Variants in PRH1 observed in about 807,000 individuals in gnomAD.
The protein encoded by PRH1 is proline rich protein HaeIII subfamily 1, also known as salivary acidic proline-rich phosphoprotein 1/2.
PRH1 carries 7 observed loss-of-function variants against 7.9 expected under a neutral mutation model. The observed-to-expected ratio is 0.89, with a 90% confidence interval of 0.50 to 1.67. The LOEUF (loss-of-function observed/expected upper bound fraction) is 1.67, where lower values mean the gene tolerates loss of function less well. Among genes scored for constraint, PRH1 ranks in the 40% most tolerant of loss-of-function variants. The pLI, the probability that PRH1 is intolerant of heterozygous loss-of-function variation, is 0.00. For synonymous variants in PRH1, 45 were observed against 80.8 expected (o/e 0.56, Z 2.38); for missense variants, 109 against 223.6 (o/e 0.49, Z 3.27).
chr12:10,933,878 A>G (rs921603109), intron 2 of PRH1, among the ~76,000 whole-genome samples: 1 of 152,160 alleles, frequency 6.6e-6, no homozygotes, highest in Non-Finnish European at 1.5e-5. Context: ...TAACAGAGAT[A>G]CATATATTCA....
At chr12:11,120,889 G>A (rs1466364492) in exon 2 of PRH1, 1 of 153,332 alleles carries the variant, frequency 6.5e-6, no homozygotes, top group Non-Finnish European at 1.5e-5. Context: ...ATGGAATGGA[G>A]GGGAATATTG....
intron 2 of PRH1, among the ~76,000 whole-genome samples, chr12:10,920,830 G>C (rs1318199340): frequency 2.0e-5 from 3 of 151,972 alleles, no homozygotes; most frequent in African/African-American, 7.2e-5. Flanking sequence ...AAAGCTCTAT[G>C]TTACACTAAT....
chr12:10,986,055 T>A, intron 1 of PRH1: 1 of 1,614,064 alleles, frequency 6.2e-7, no homozygotes, highest in Non-Finnish European at 8.5e-7. Context: ...AAGATATATG[T>A]TTCCAACAGC....
rs547065057 is a variant in PRH1 at position 11,168,972 on chromosome 12, A to G, written n.39+2450T>C. ...AGGGTTGAGTACTGATCAGTGTCCA[A>G]AAGGAAACGTACTTTTTTTCTAGTT... On this transcript the variant is annotated intron_variant and non_coding_transcript_variant, in intron 1 of 1. Transcript: ENST00000541175. 2.6e-5 allele frequency among the ~76,000 whole-genome samples: 4 copies of G among 152,374 alleles called. No homozygotes were observed. In the South Asian group the frequency reaches 8.3e-4, roughly 32 times the overall value.
chr12:11,080,559 T>C (rs1944466042), intron 1 of PRH1, among the ~76,000 whole-genome samples: 1 of 115,426 alleles, frequency 8.7e-6, no homozygotes, highest in Non-Finnish European at 2.1e-5. Flanking sequence ...AAACATAGTT[T>C]GACTAAATTT....
chr12:11,102,335 C>G (rs1945281395), intron 1 of PRH1, among the ~76,000 whole-genome samples: 3 of 152,112 alleles, frequency 2.0e-5, no homozygotes, highest in Admixed American at 6.5e-5. Context: ...GTGCTGGTAC[C>G]AAAACAGAGA....
At chr12:11,058,306 TA>T (rs1180130177) in intron 1 of PRH1, among the ~76,000 whole-genome samples, 2 of 152,130 alleles carry the variant, frequency 1.3e-5, no homozygotes, top group African/African-American at 4.8e-5. Flanking sequence ...TAAAATACTA[TA>T]ACATTGAATG....
At position 11,090,465 on chromosome 12, in the gene PRH1, C is replaced by T. The variant is rs1476205553; in HGVS notation, n.124-43277G>A. On this transcript the variant is annotated intron_variant and non_coding_transcript_variant, in intron 1 of 4. Coordinates refer to the PRH1 transcript ENST00000541977. ...TTACATGAGATCTCAACTTCAAAAA[C>T]AGATTTTCTTTAATTCAAAAGCGGA... is the stretch of plus-strand genomic sequence containing the variant. Among the ~76,000 whole-genome samples the T allele has an allele frequency of 2.6e-5, 3 of 116,384 alleles. 1 individual carries two copies. Among genetic ancestry groups the T allele is most frequent in the African/African-American group, 8.6e-5 (3 of 34,848 alleles). 76.4% of individuals were successfully genotyped at this position (116,384 alleles called of 152,430 possible).
intron 1 of PRH1, among the ~76,000 whole-genome samples, chr12:11,115,678 T>G (rs1945711938): frequency 6.6e-6 from 1 of 152,002 alleles, no homozygotes; most frequent in African/African-American, 2.4e-5. Flanking sequence ...TCCAAAAAAT[T>G]GAAATATTAC....
At position 10,986,050 on chromosome 12, in the gene PRH1, A is replaced by G. The variant is rs760068052; in HGVS notation, c.-125-12329T>C. The G allele has an allele frequency of 4.3e-6, 7 of 1,613,944 alleles. No individual in the cohort carries two copies. In the Admixed American group the frequency reaches 1.2e-4, roughly 27 times the overall value. ...AGGATGAATGAGTCGAATGCAAGAT[A>G]TATGTTTCCAACAGCCTTGCTAACC... On this transcript the variant is annotated intron_variant, in intron 1 of 3. Coordinates refer to the PRH1 transcript ENST00000539853.
intron 1 of PRH1, among the ~76,000 whole-genome samples, chr12:11,039,221 T>C (rs1942590742): frequency 6.6e-6 from 1 of 152,256 alleles, no homozygotes; most frequent in Non-Finnish European, 1.5e-5. Context: ...AGGCCTGATA[T>C]CCTGACGAGA....
chr12:10,883,112 A>G lies in PRH1; in HGVS notation c.65-16T>C, dbSNP rs747035150. On this transcript the variant is annotated splice_polypyrimidine_tract_variant and intron_variant, in intron 1 of 3. Transcript: ENST00000543626. ...TGGCTGACATCTAGAAAAGAAGTACAGGATGATGGGAAAAGTTACTTCCTG... is the reference window on the plus strand; with the variant it reads ...TGGCTGACATCTAGAAAAGAAGTACGGGATGATGGGAAAAGTTACTTCCTG... 13 of 1,612,628 alleles carry G rather than the reference A, an allele frequency of 8.1e-6. 1 individual carries two copies. The South Asian group carries it at 9.9e-5, about 12-fold the overall frequency.
At chr12:11,125,885 T>C (rs1025428257) in intron 1 of PRH1, among the ~76,000 whole-genome samples, 1 of 149,856 alleles carries the variant, frequency 6.7e-6, no homozygotes, top group African/African-American at 2.4e-5. Context: ...TCTTCCTTTT[T>C]AAAATTAATT....
intron 1 of PRH1, among the ~76,000 whole-genome samples, chr12:11,122,961 T>G (rs1945961894): frequency 6.6e-6 from 1 of 152,188 alleles, no homozygotes; most frequent in Non-Finnish European, 1.5e-5. Flanking sequence ...TCACACCTCT[T>G]ATGATAAGTA....
chr12:11,069,800 A>C (rs1486395308), intron 1 of PRH1, among the ~76,000 whole-genome samples: 1 of 152,222 alleles, frequency 6.6e-6, no homozygotes, highest in Admixed American at 6.5e-5. Flanking sequence ...AGAAACCTCA[A>C]CCAGTTGTCA....
chr12:11,131,020 G>T (rs1946324922), intron 1 of PRH1, among the ~76,000 whole-genome samples: 1 of 152,200 alleles, frequency 6.6e-6, no homozygotes, highest in Admixed American at 6.5e-5. Flanking sequence ...CCTTCCATTT[G>T]GGACTTGAAT....
At chr12:11,070,827 G>C (rs1306918711) in intron 1 of PRH1, among the ~76,000 whole-genome samples, 8 of 145,232 alleles carry the variant, frequency 5.5e-5, no homozygotes, top group Non-Finnish European at 1.2e-4. Flanking sequence ...TTTGTTTTCT[G>C]TGTTATTTGC....
intron 1 of PRH1, among the ~76,000 whole-genome samples, chr12:11,100,488 C>T (rs961755317): frequency 6.6e-6 from 1 of 152,166 alleles, no homozygotes; most frequent in African/African-American, 2.4e-5. Flanking sequence ...AGCACTGGAT[C>T]TCAAAATGTC....
rs555536260 is a variant in PRH1, at chr12:10,938,879, T to A, written c.-59+34776A>T. The A allele has an allele frequency of 3.7e-6, 6 of 1,613,738 alleles. No homozygotes were observed. The Admixed American group carries it at 1.0e-4, about 27-fold the overall frequency. Reference sequence around the variant, plus strand: ...AATAGAGTTAGAAAAATTGGCTATCTTGAGAAAATAAAAAGTACCGAGGCC... The same window carrying A: ...AATAGAGTTAGAAAAATTGGCTATCATGAGAAAATAAAAAGTACCGAGGCC... On this transcript the variant is annotated intron_variant, in intron 2 of 3. Transcript: ENST00000539853.
Sources: gnomAD v4.1 joint callset for allele counts (sites outside exome capture counted in the v4.1 genomes callset) on GRCh38, gnomAD v4.1.1 for gene constraint, MANE v1.5 for transcripts, NCBI Gene and HGNC (gene_info 2026-07-23, HGNC 2026-07-21) for gene names.